TBXAS1: variants seen among roughly 807,000 people sequenced by gnomAD.
TBXAS1 encodes thromboxane-A synthase.
Under a neutral mutation model 60.7 loss-of-function variants are expected in TBXAS1, and 48 were observed. That is an observed-to-expected ratio of 0.79 (90% confidence interval 0.63 to 1.01). The LOEUF (loss-of-function observed/expected upper bound fraction) is 1.01. Ranked by LOEUF, TBXAS1 falls within the 50% of genes least tolerant of loss-of-function variation. The pLI is 0.00. For missense variants in TBXAS1, 685 were observed against 686.3 expected (o/e 1.00, Z 0.02); for synonymous variants, 287 against 269.7 (o/e 1.06, Z -0.63).
At chr7:139,944,801 T>A (rs757760) in intron 5 of TBXAS1, among the ~76,000 whole-genome samples, 4 of 152,054 alleles carry the variant, frequency 2.6e-5, no homozygotes, top group African/African-American at 7.2e-5. Flanking sequence ...TAGGGTTATG[T>A]AAAAAAGACC....
intron 4 of TBXAS1, among the ~76,000 whole-genome samples, chr7:139,801,841 G>C (rs552535921): frequency 6.6e-6 from 1 of 152,178 alleles, no homozygotes; most frequent in South Asian, 2.1e-4. Context: ...TCTGCTCTCT[G>C]CAACCTCTGC....
chr7:139,850,875 G>A (rs1250372439), intron 1 of TBXAS1, among the ~76,000 whole-genome samples: 1 of 152,178 alleles, frequency 6.6e-6, no homozygotes, highest in Non-Finnish European at 1.5e-5. Context: ...CAGAGGCAAG[G>A]AAGGAGCTCC....
At chr7:140,008,717 G>A (rs1814288033) in intron 10 of TBXAS1, among the ~76,000 whole-genome samples, 1 of 152,124 alleles carries the variant, frequency 6.6e-6, no homozygotes, top group Admixed American at 6.5e-5. Flanking sequence ...CCAAAGTGCT[G>A]GGATTACAGG....
At chr7:139,832,240 T>A (rs892320613) in intron 1 of TBXAS1, among the ~76,000 whole-genome samples, 6 of 152,090 alleles carry the variant, frequency 3.9e-5, no homozygotes, top group African/African-American at 1.4e-4. Context: ...GGGAGAAATA[T>A]TCAATGAAAT....
At chr7:139,784,706 A>T (rs1797130787) in intron 3 of TBXAS1, among the ~76,000 whole-genome samples, 1 of 152,224 alleles carries the variant, frequency 6.6e-6, no homozygotes, top group Non-Finnish European at 1.5e-5. Context: ...CTTATACTTT[A>T]TTCTGAATGC....
intron 10 of TBXAS1, among the ~76,000 whole-genome samples, chr7:140,007,621 G>T (rs1441690086): frequency 6.6e-6 from 1 of 152,192 alleles, no homozygotes; most frequent in Non-Finnish European, 1.5e-5. Flanking sequence ...CATTCAGACA[G>T]TAGGGGACTG....
intron 4 of TBXAS1, among the ~76,000 whole-genome samples, chr7:139,918,612 G>C (rs528404610): frequency 6.6e-6 from 1 of 152,338 alleles, no homozygotes; most frequent in Non-Finnish European, 1.5e-5. Context: ...CTTTGGGGCT[G>C]ATAGAAGCAC....
At chr7:139,890,665 A>C (rs116913834) in intron 3 of TBXAS1, among the ~76,000 whole-genome samples, 1,742 of 152,312 alleles carry the variant, frequency 0.011, 16 homozygotes, top group South Asian at 0.028. Context: ...GACAACCATT[A>C]ATAGAAATAG....
chr7:140,017,647 A>G (rs769234141), intron 11 of TBXAS1, 24 bp from the exon 12 acceptor site: 12 of 1,611,344 alleles, frequency 7.4e-6, no homozygotes, highest in Admixed American at 5.0e-5. Context: ...GTTCTGGGCC[A>G]GCCCTGACCA....
At chr7:139,906,031 G>C in intron 3 of TBXAS1, 1 of 340,856 alleles carries the variant, frequency 2.9e-6, no homozygotes. Flanking sequence ...TAAGGTATGA[G>C]GTTCATATTT....
intron 3 of TBXAS1, among the ~76,000 whole-genome samples, chr7:139,908,402 C>T (rs1346418563): frequency 2.6e-5 from 4 of 151,952 alleles, no homozygotes; most frequent in African/African-American, 9.7e-5. Flanking sequence ...CTCTTTTATT[C>T]CTTCTGCTCC....
chr7:139,847,079 T>C (rs1349020383), intron 1 of TBXAS1, among the ~76,000 whole-genome samples: 1 of 152,244 alleles, frequency 6.6e-6, no homozygotes, highest in Non-Finnish European at 1.5e-5. Flanking sequence ...TATTAGTCCA[T>C]TGATGGCATC....
chr7:139,845,969 C>T (rs113124286), intron 1 of TBXAS1, among the ~76,000 whole-genome samples: 6 of 151,742 alleles, frequency 4.0e-5, no homozygotes, highest in Non-Finnish European at 5.9e-5. Context: ...GGACTACAAG[C>T]GAGCACTACC....
chr7:139,836,580 A>G (rs574525665), intron 1 of TBXAS1, among the ~76,000 whole-genome samples: 47 of 152,338 alleles, frequency 3.1e-4, no homozygotes, highest in African/African-American at 1.1e-3. Flanking sequence ...CACCTTTATC[A>G]ACAAATGGTA....
At chr7:139,855,779 A>G (rs894249425) in intron 1 of TBXAS1, among the ~76,000 whole-genome samples, 2 of 152,226 alleles carry the variant, frequency 1.3e-5, no homozygotes, top group African/African-American at 2.4e-5. Flanking sequence ...GTGGTCAACC[A>G]GAGCCCCCAG....
intron 3 of TBXAS1, among the ~76,000 whole-genome samples, chr7:139,904,997 C>CTTTCTTTCTTTTTT (rs1292195756): frequency 2.9e-4 from 27 of 93,184 alleles, no homozygotes; most frequent in African/African-American, 1.2e-3. Context: ...CTCTCTTTCT[C>CTTTCTTTCTTTTTT]TCTTTCTCTC....
chr7:140,014,893 A>C (rs1200838395), intron 10 of TBXAS1, among the ~76,000 whole-genome samples: 3 of 128,910 alleles, frequency 2.3e-5, no homozygotes, highest in Admixed American at 8.9e-5. Context: ...TGGGTGACAG[A>C]GCAAGACCCT....
chr7:139,781,263 T>C (rs1022183591), intron 2 of TBXAS1, among the ~76,000 whole-genome samples: 1 of 152,238 alleles, frequency 6.6e-6, no homozygotes, highest in African/African-American at 2.4e-5. Flanking sequence ...CTGAGTATAC[T>C]AATTGTCTCC....
chr7:139,879,469 T>C (rs1802514475), intron 3 of TBXAS1, among the ~76,000 whole-genome samples: 1 of 152,176 alleles, frequency 6.6e-6, no homozygotes, highest in Non-Finnish European at 1.5e-5. Context: ...CTTCATCAAT[T>C]AATGATTACT....
Sources: allele counts gnomAD v4.1 joint callset (sites outside exome capture counted in the v4.1 genomes callset), GRCh38; gene constraint gnomAD v4.1.1; transcripts MANE v1.5; gene names NCBI Gene and HGNC (gene_info 2026-07-23, HGNC 2026-07-21).